MAOA: variants seen among roughly 807,000 people sequenced by gnomAD.
MAOA encodes monoamine oxidase A.
Under a neutral mutation model 42.0 loss-of-function variants are expected in MAOA, and 6 were observed. The ratio of observed to expected loss-of-function variants is 0.14; its 90% CI spans 0.08 to 0.28. The LOEUF is 0.28. MAOA is among the 10% of genes least tolerant of loss of function. The pLI, the probability that MAOA is intolerant of heterozygous loss-of-function variation, is 1.00. For synonymous variants in MAOA, 140 were observed against 154.0 expected (o/e 0.91, Z 0.67); for missense variants, 262 against 422.3 (o/e 0.62, Z 3.33).
chrX:43,717,779 A>G (rs1346671369), intron 5 of MAOA, among the ~76,000 whole-genome samples: 1 of 110,127 alleles, frequency 9.1e-6, no homozygotes, highest in African/African-American at 3.3e-5. Flanking sequence ...CACAGGGCAG[A>G]AGGTAGATAG....
chrX:43,682,193 T>TGAGCTGAGAGGTCTTAG (rs1398107556), intron 1 of MAOA, among the ~76,000 whole-genome samples: 1 of 111,700 alleles, frequency 9.0e-6, no homozygotes, highest in African/African-American at 3.3e-5. Context: ...TATTTCTTTG[T>TGAGCTGAGAGGTCTTAG]GAGCTGAGAG....
At chrX:43,707,715 T>A (rs1293584346) in intron 3 of MAOA, among the ~76,000 whole-genome samples, 1 of 112,198 alleles carries the variant, frequency 8.9e-6, no homozygotes, top group East Asian at 2.8e-4. Context: ...ACAGGCTTTG[T>A]CACAAAACAA....
intron 5 of MAOA, among the ~76,000 whole-genome samples, chrX:43,725,847 C>G (rs761030968): frequency 7.1e-5 from 8 of 112,024 alleles, no homozygotes; most frequent in Non-Finnish European, 1.3e-4. Flanking sequence ...CCTTCAGGAG[C>G]TCTTGCAAGG....
chrX:43,688,465 G>A (rs2033505968), intron 2 of MAOA, among the ~76,000 whole-genome samples: 1 of 111,779 alleles, frequency 8.9e-6, no homozygotes, highest in Non-Finnish European at 1.9e-5. Flanking sequence ...ATTTTCAGTA[G>A]AGATAGGTTT....
At chrX:43,697,373 C>T (rs1477340249) in intron 3 of MAOA, among the ~76,000 whole-genome samples, 1 of 111,364 alleles carries the variant, frequency 9.0e-6, no homozygotes, top group Non-Finnish European at 1.9e-5. Flanking sequence ...ATCTTTTGAC[C>T]CGGAAGCCTG....
At chrX:43,716,620 G>T (rs1393680783) in intron 5 of MAOA, among the ~76,000 whole-genome samples, 1 of 110,891 alleles carries the variant, frequency 9.0e-6, no homozygotes, top group Non-Finnish European at 1.9e-5. Context: ...ATGAGCCACG[G>T]TGACAGTGGT....
intron 1 of MAOA, chrX:43,657,979 A>C: frequency 1.5e-6 from 1 of 682,171 alleles, no homozygotes; most frequent in Non-Finnish European, 1.7e-6. Flanking sequence ...AGTAAGAAAA[A>C]GGAGTATTTC....
At position 43,745,457 on chromosome X, in the gene MAOA, T is replaced by TA. The variant is rs966526030; in HGVS notation, c.*948dup. ...TTTCTTTTAATTTTTCCTATGACCA[T>TA]AAAATTAGACATACCTCTCAACTTA... On this transcript the variant is annotated 3_prime_UTR_variant, in exon 15 of 15. Coordinates refer to ENST00000338702, the MANE Select transcript of MAOA (RefSeq NM_000240.4). 2 of 112,089 alleles carry TA rather than the reference T, an allele frequency of 1.8e-5. No homozygotes were observed. Among genetic ancestry groups the TA allele is most frequent in the Admixed American group, 9.4e-5 (1 of 10,583 alleles). 9.2% of individuals were successfully genotyped at this position (112,089 alleles called of 1,213,427 possible).
intron 9 of MAOA, among the ~76,000 whole-genome samples, chrX:43,734,035 C>T (rs973493583): frequency 1.8e-5 from 2 of 109,980 alleles, no homozygotes; most frequent in African/African-American, 6.6e-5. Context: ...AGGAGAATGT[C>T]GGTTAAGACA....
chrX:43,732,611 TA>T (rs1262082673), intron 8 of MAOA, 87 bp from the exon 9 acceptor site: 4 of 660,311 alleles, frequency 6.1e-6, no homozygotes, highest in South Asian at 2.3e-5. Context: ...TACTTCCTCT[TA>T]AAAAATAGTT....
intron 1 of MAOA, among the ~76,000 whole-genome samples, chrX:43,675,892 G>T (rs1455745201): frequency 5.3e-5 from 6 of 112,189 alleles, no homozygotes; most frequent in African/African-American, 1.9e-4. Context: ...GGGGTCAGGG[G>T]TCAGGGACCC....
chrX:43,705,730 G>A (rs1216847987), intron 3 of MAOA, among the ~76,000 whole-genome samples: 1 of 111,538 alleles, frequency 9.0e-6, no homozygotes, highest in Non-Finnish European at 1.9e-5. Context: ...CTTGTATTCC[G>A]AACATATAAA....
In MAOA at chrX:43,742,064, A is replaced by G. The variant is rs368903281; in HGVS notation, c.1262+17A>G. 3.3e-6 allele frequency: 4 copies of G among 1,209,355 alleles called. No homozygotes were observed. The highest frequency in any genetic ancestry group is 5.9e-5 in the East Asian group (2 of 33,713). On this transcript the variant is annotated intron_variant, in intron 12 of 14. Coordinates refer to ENST00000338702, the MANE Select transcript of MAOA (RefSeq NM_000240.4). ...ATATGGAAGGTATTACGCAAGCACT[A>G]CGCCAATTAATCCAAGACCTGTGCC...
Position 43,731,290 on chromosome X carries a change from A to G in MAOA, c.695A>G (p.Asp232Gly). ...GGTCAAGTGAGCGAACGGATAATGG[A>G]CCTCCTCGGAGACCAAGTGAAGCTG... ...GSGQVSERIM[D>G]LLGDQVKLNH... is the part of the protein sequence containing the mutation. The change falls in exon 7 of 15, where the codon GAC (aspartate) becomes GGC (glycine). Residue 232 changes from aspartate (D) to glycine (G), a missense_variant. Asp to Gly is a moderately conservative substitution (Grantham distance 94, BLOSUM62 -1). This residue lies in a region of MAOA where 141 missense variants were observed against 195.6 expected (regional missense o/e 0.72). Transcript: ENST00000338702. 1 of 1,208,766 alleles carries G rather than the reference A, an allele frequency of 8.3e-7. No homozygotes were observed. The highest frequency in any genetic ancestry group is 1.8e-5 in the South Asian group (1 of 56,879).
intron 1 of MAOA, among the ~76,000 whole-genome samples, chrX:43,670,414 A>G (rs1272559242): frequency 9.0e-6 from 1 of 111,015 alleles, no homozygotes; most frequent in Non-Finnish European, 1.9e-5. Context: ...GTGTTTTTCA[A>G]TTGCAGTCTC....
At chrX:43,671,338 A>G (rs1487151840) in intron 1 of MAOA, among the ~76,000 whole-genome samples, 1 of 110,493 alleles carries the variant, frequency 9.1e-6, no homozygotes, top group Non-Finnish European at 1.9e-5. Flanking sequence ...GATTCTGGAC[A>G]TTAGCCCTTT....
At chrX:43,702,657 A>AT (rs1170732490) in intron 3 of MAOA, among the ~76,000 whole-genome samples, 2 of 112,095 alleles carry the variant, frequency 1.8e-5, no homozygotes, top group Admixed American at 9.5e-5. Flanking sequence ...GTGAAACTGA[A>AT]TCGTTTTCAT....
At chrX:43,728,397 C>G (rs1436993621) in intron 6 of MAOA, 83 bp downstream of exon 6, 1 of 1,025,889 alleles carries the variant, frequency 9.7e-7, no homozygotes, top group Non-Finnish European at 1.4e-6. Flanking sequence ...TTAATAGTTG[C>G]TTCAGGATTT....
At chrX:43,718,345 G>A (rs970661138) in intron 5 of MAOA, among the ~76,000 whole-genome samples, 1 of 99,747 alleles carries the variant, frequency 1.0e-5, no homozygotes, top group Non-Finnish European at 2.0e-5. Flanking sequence ...TTCCAGTAAT[G>A]AGACACCTGG....
Sources: allele counts gnomAD v4.1 joint callset (sites outside exome capture counted in the v4.1 genomes callset), GRCh38; gene constraint gnomAD v4.1.1; regional missense constraint gnomAD v4.1.1; transcripts MANE v1.5; gene names NCBI Gene and HGNC (gene_info 2026-07-23, HGNC 2026-07-21).